IL1RAPL2: variants seen among roughly 807,000 people sequenced by gnomAD.
IL1RAPL2 encodes X-linked interleukin-1 receptor accessory protein-like 2.
Under a neutral mutation model 44.1 loss-of-function variants are expected in IL1RAPL2, and 3 were observed. The ratio of observed to expected loss-of-function variants is 0.07; its 90% CI spans 0.03 to 0.18. The LOEUF is 0.18. Among genes scored for constraint, IL1RAPL2 ranks in the 10% least tolerant of loss-of-function variants. The probability of loss-of-function intolerance (pLI) is 1.00; values close to 1 mark genes in which losing one functional copy is unlikely to be tolerated. For synonymous variants in IL1RAPL2, 181 were observed against 178.8 expected (o/e 1.01, Z -0.10); for missense variants, 391 against 496.4 (o/e 0.79, Z 2.02).
chrX:105,253,812 A>G (rs2034292201), intron 4 of IL1RAPL2, among the ~76,000 whole-genome samples: 1 of 111,759 alleles, frequency 8.9e-6, no homozygotes, highest in Admixed American at 9.5e-5. Flanking sequence ...TGTGGTTTTC[A>G]TTCCCTGCAT....
chrX:104,827,057 G>A (rs748798608), intron 2 of IL1RAPL2, among the ~76,000 whole-genome samples: 114 of 102,853 alleles, frequency 1.1e-3, no homozygotes, highest in African/African-American at 3.6e-3. Flanking sequence ...ACAGCACACC[G>A]ATTGGTCTTG....
chrX:105,511,881 A>C (rs895985333), intron 6 of IL1RAPL2, among the ~76,000 whole-genome samples: 2 of 111,349 alleles, frequency 1.8e-5, no homozygotes, highest in East Asian at 2.9e-4. Context: ...TTTTAAATTG[A>C]ACACCTCTCT....
At chrX:104,589,356 G>C (rs1928620678) in intron 1 of IL1RAPL2, among the ~76,000 whole-genome samples, 1 of 112,023 alleles carries the variant, frequency 8.9e-6, no homozygotes, top group African/African-American at 3.2e-5. Flanking sequence ...ATGTAGGCCG[G>C]GAGGCTAAGC....
At chrX:105,555,408 T>C (rs1387750939) in intron 6 of IL1RAPL2, among the ~76,000 whole-genome samples, 1 of 111,526 alleles carries the variant, frequency 9.0e-6, no homozygotes, top group Non-Finnish European at 1.9e-5. Flanking sequence ...TCCTGTGTTG[T>C]CTATTGTTCA....
intron 5 of IL1RAPL2, among the ~76,000 whole-genome samples, chrX:105,462,290 G>A (rs1180862470): frequency 9.0e-6 from 1 of 111,001 alleles, no homozygotes; most frequent in African/African-American, 3.3e-5. Flanking sequence ...TCTAGTTGCA[G>A]TCCCTCTTCC....
chrX:104,831,939 G>T (rs1317545909), intron 2 of IL1RAPL2, among the ~76,000 whole-genome samples: 1 of 111,581 alleles, frequency 9.0e-6, no homozygotes, highest in African/African-American at 3.2e-5. Flanking sequence ...GAGTCTATTA[G>T]CCTTGTGTAA....
intron 2 of IL1RAPL2, among the ~76,000 whole-genome samples, chrX:104,667,647 G>A (rs1248543674): frequency 4.5e-5 from 5 of 111,166 alleles, no homozygotes; most frequent in East Asian, 2.8e-4. Context: ...TTAATCACTC[G>A]TCCATGTTGT....
intron 1 of IL1RAPL2, among the ~76,000 whole-genome samples, chrX:104,607,097 C>G (rs985595090): frequency 9.0e-6 from 1 of 111,627 alleles, no homozygotes; most frequent in African/African-American, 3.3e-5. Flanking sequence ...CATCTACAAC[C>G]ATCTGATCTT....
intron 2 of IL1RAPL2, among the ~76,000 whole-genome samples, chrX:104,743,962 G>T (rs2147579502): frequency 9.1e-6 from 1 of 110,428 alleles, no homozygotes; most frequent in African/African-American, 3.3e-5. Context: ...TCTCATTAAT[G>T]CCTATTTTCA....
intron 6 of IL1RAPL2, among the ~76,000 whole-genome samples, chrX:105,510,738 G>A (rs1283845268): frequency 1.8e-5 from 2 of 111,566 alleles, no homozygotes; most frequent in East Asian, 2.8e-4. Flanking sequence ...TGAAGATGGT[G>A]GAAGGGGTCA....
At chrX:104,945,133 A>C (rs752339455) in intron 2 of IL1RAPL2, among the ~76,000 whole-genome samples, 1 of 111,514 alleles carries the variant, frequency 9.0e-6, no homozygotes, top group Admixed American at 9.6e-5. Flanking sequence ...CCTGTCATTT[A>C]GTGGGTGCTT....
intron 5 of IL1RAPL2, among the ~76,000 whole-genome samples, chrX:105,325,541 T>TTATATA (rs3035842): frequency 0.015 from 1,160 of 75,937 alleles, 48 homozygotes; most frequent in African/African-American, 0.072. Context: ...TCTCTTGGTT[T>TTATATA]TATATATATA....
chrX:104,739,936 C>A lies in IL1RAPL2; in HGVS notation c.82+80941C>A, dbSNP rs760392290. On this transcript the variant is annotated intron_variant, in intron 2 of 10. Coordinates refer to ENST00000372582, the MANE Select transcript of IL1RAPL2 (RefSeq NM_017416.2). ...ATGCAAAACACCTGTCACCTGACTA[C>A]TGTCATGACTAATGGTGAAACACTG... Among the ~76,000 whole-genome samples the A allele has an allele frequency of 5.0e-4, 56 of 111,555 alleles. 1 individual carries two copies. Among genetic ancestry groups the A allele is most frequent in the African/African-American group, 1.8e-3 (55 of 30,734 alleles).
intron 2 of IL1RAPL2, among the ~76,000 whole-genome samples, chrX:104,768,454 C>T (rs1932590706): frequency 9.0e-6 from 1 of 111,396 alleles, no homozygotes. Context: ...GTTTAAACTT[C>T]TTTAAGGGTT....
At chrX:105,040,045 G>C (rs752769844) in intron 2 of IL1RAPL2, among the ~76,000 whole-genome samples, 1 of 110,553 alleles carries the variant, frequency 9.0e-6, no homozygotes, top group African/African-American at 3.3e-5. Context: ...ATTATTTTGA[G>C]ATATGTCCCA....
intron 2 of IL1RAPL2, among the ~76,000 whole-genome samples, chrX:104,664,468 G>A (rs889706891): frequency 1.7e-4 from 19 of 111,733 alleles, no homozygotes; most frequent in African/African-American, 5.2e-4. Context: ...CAGTCGGAGA[G>A]CTGGGTTGAT....
chrX:104,659,014 G>A lies in IL1RAPL2; in HGVS notation c.82+19G>A. ...AATTCTGGTAAGTTGCTGGCAACTT[G>A]CCACTATTTGGTCAAAAATGTACAG... On this transcript the variant is annotated intron_variant, in intron 2 of 10. Coordinates refer to ENST00000372582, the MANE Select transcript of IL1RAPL2 (RefSeq NM_017416.2). 8.9e-7 allele frequency: 1 copy of A among 1,123,041 alleles called. No homozygotes were observed. Among genetic ancestry groups the A allele is most frequent in the Non-Finnish European group, 1.2e-6 (1 of 817,812 alleles). The allele number at this position is 1,123,041 out of a possible 1,213,427, so 92.6% of individuals were successfully genotyped here.
chrX:104,810,551 T>C (rs1426286833), intron 2 of IL1RAPL2, among the ~76,000 whole-genome samples: 2 of 111,354 alleles, frequency 1.8e-5, no homozygotes, highest in East Asian at 2.8e-4. Context: ...ATATTCTAGA[T>C]AGAAGTAGCT....
At chrX:105,406,109 G>A in intron 5 of IL1RAPL2, 1 of 1,192,514 alleles carries the variant, frequency 8.4e-7, no homozygotes, top group South Asian at 1.8e-5. Context: ...AGAGCAGCTG[G>A]GATCGAGTAT....
Sources: allele counts gnomAD v4.1 joint callset (sites outside exome capture counted in the v4.1 genomes callset), GRCh38; gene constraint gnomAD v4.1.1; transcripts MANE v1.5; gene names NCBI Gene and HGNC (gene_info 2026-07-23, HGNC 2026-07-21).